The following LPP variants were observed in gnomAD, a reference collection of about 807,000 sequenced individuals.
LPP encodes the protein LIM domain containing preferred translocation partner in lipoma.
In LPP, 38 loss-of-function variants were observed where a neutral mutation model predicts 60.4. That is an observed-to-expected ratio of 0.63 (90% CI 0.49 to 0.83). The LOEUF is 0.83. Ranked by LOEUF, LPP falls within the 40% of genes least tolerant of loss-of-function variation. The pLI is 0.00. For synonymous variants in LPP, 328 were observed against 290.8 expected, an observed-to-expected ratio of 1.13 and a Z score of -1.30; for missense variants, 902 against 783.6, an observed-to-expected ratio of 1.15 and a Z score of -1.80.
At chr3:188,493,914 AT>A (rs1809158768) in intron 5 of LPP, among the ~76,000 whole-genome samples, 1 of 151,874 alleles carries the variant, frequency 6.6e-6, no homozygotes, top group Admixed American at 6.6e-5. Flanking sequence ...CTTCCCTTTT[AT>A]ATTCTTAATT....
chr3:188,275,873 A>G (rs1427551820), intron 2 of LPP, among the ~76,000 whole-genome samples: 1 of 151,964 alleles, frequency 6.6e-6, no homozygotes, highest in Non-Finnish European at 1.5e-5. Flanking sequence ...ATGGGGTTTC[A>G]CCATATTGTC....
At chr3:188,260,004 A>G (rs1733008403) in intron 2 of LPP, among the ~76,000 whole-genome samples, 1 of 152,008 alleles carries the variant, frequency 6.6e-6, no homozygotes, top group Non-Finnish European at 1.5e-5. Context: ...GAAAATAAAA[A>G]TCAACACTAT....
intron 1 of LPP, chr3:188,180,861 A>C (rs568328724): frequency 6.8e-6 from 1 of 147,002 alleles, no homozygotes; most frequent in East Asian, 2.3e-4. Context: ...AATATACCAT[A>C]ATTCTAATTT....
At chr3:188,519,711 GC>G (rs1818352830) in intron 5 of LPP, among the ~76,000 whole-genome samples, 2 of 152,182 alleles carry the variant, frequency 1.3e-5, no homozygotes, top group South Asian at 4.1e-4. Flanking sequence ...AATTGCAACA[GC>G]AAATCTAATT....
At chr3:188,466,189 C>T (rs529494834) in intron 4 of LPP, among the ~76,000 whole-genome samples, 5 of 152,072 alleles carry the variant, frequency 3.3e-5, no homozygotes, top group East Asian at 1.9e-4. Flanking sequence ...ATTTTCAACA[C>T]GGCAGTGAGA....
At chr3:188,713,818 T>C (rs1217158895) in intron 8 of LPP, among the ~76,000 whole-genome samples, 2 of 152,202 alleles carry the variant, frequency 1.3e-5, no homozygotes, top group Non-Finnish European at 2.9e-5. Flanking sequence ...CTTGGGTGGG[T>C]AGAGAGATTG....
chr3:188,466,929 G>A (rs1213315253), intron 4 of LPP, among the ~76,000 whole-genome samples: 8 of 52,126 alleles, frequency 1.5e-4, no homozygotes, highest in South Asian at 1.3e-3. Flanking sequence ...CCGCCCCCCC[G>A]CCTTTATGGC....
At chr3:188,872,101 C>T (rs913565498) in intron 10 of LPP, among the ~76,000 whole-genome samples, 7 of 152,112 alleles carry the variant, frequency 4.6e-5, no homozygotes, top group African/African-American at 9.7e-5. Flanking sequence ...TATATTTAAA[C>T]GCACTAACCT....
At chr3:188,607,370 G>GATATATATATATAT (rs10527365) in intron 6 of LPP, among the ~76,000 whole-genome samples, 3 of 102,730 alleles carry the variant, frequency 2.9e-5, no homozygotes, top group Non-Finnish European at 6.4e-5. Context: ...GAAAATAGAA[G>GATATATATATATAT]ATATATATAT....
At position 188,441,629 on chromosome 3, in the gene LPP, T is replaced by C. The variant is rs1366964491; in HGVS notation, c.193+35316T>C. Reference sequence around the variant, plus strand: ...CTTTTCTTTTTTTTTTTTTTTTTTTTTTTTTTTTTGAGATGGAGTCTCGCT... The same window carrying C: ...CTTTTCTTTTTTTTTTTTTTTTTTTCTTTTTTTTTGAGATGGAGTCTCGCT... On this transcript the variant is annotated intron_variant, in intron 4 of 11. Transcript: ENST00000617246. Among the ~76,000 whole-genome samples, 112 of 116,090 alleles carry C rather than the reference T, an allele frequency of 9.6e-4. 2 individuals carry two copies. Among genetic ancestry groups the C allele is most frequent in the Admixed American group, 2.7e-3 (32 of 11,974 alleles). The allele number at this position is 116,090 out of a possible 152,430, so 76.2% of individuals were successfully genotyped here.
intron 11 of LPP, 79 bp downstream of exon 11, chr3:188,872,842 C>G (rs1458364487): frequency 2.5e-6 from 4 of 1,576,140 alleles, no homozygotes; most frequent in Non-Finnish European, 3.5e-6. Context: ...ATAGATGTAG[C>G]AATTACTAAA....
At chr3:188,524,827 A>G in intron 6 of LPP, 40 bp downstream of exon 6, 1 of 1,592,382 alleles carries the variant, frequency 6.3e-7, no homozygotes, top group East Asian at 2.3e-5. Flanking sequence ...AGCCATTCCC[A>G]GATATTCTAC....
At chr3:188,240,079 A>T (rs542756661) in intron 2 of LPP, 2 of 196,660 alleles carry the variant, frequency 1.0e-5, no homozygotes, top group African/African-American at 4.6e-5. Context: ...GCTGTCCTGT[A>T]GTTCATGGAG....
At chr3:188,592,873 G>A (rs940772778) in intron 6 of LPP, among the ~76,000 whole-genome samples, 5 of 152,032 alleles carry the variant, frequency 3.3e-5, no homozygotes, top group Admixed American at 2.6e-4. Flanking sequence ...TGTCTTACAC[G>A]AGGGCTTGCC....
At chr3:188,525,986 CCT>C (rs1476590707) in intron 6 of LPP, among the ~76,000 whole-genome samples, 7 of 152,314 alleles carry the variant, frequency 4.6e-5, no homozygotes, top group Non-Finnish European at 7.3e-5. Flanking sequence ...TCATTCCCTG[CCT>C]CTCTAAAGTC....
chr3:188,442,094 G>A (rs1394367114), intron 4 of LPP, among the ~76,000 whole-genome samples: 1 of 152,144 alleles, frequency 6.6e-6, no homozygotes, highest in African/African-American at 2.4e-5. Context: ...ATGAAAAAAT[G>A]AATAAGTGAA....
chr3:188,422,914 TGTGTGTG>T (rs1398133262), intron 4 of LPP, among the ~76,000 whole-genome samples: 1 of 6,478 alleles, frequency 1.5e-4, no homozygotes, highest in African/African-American at 6.6e-4. Context: ...GTGTCTTCTT[TGTGTGTG>T]TGTGTGTGTG....
At chr3:188,495,609 G>A (rs1357018036) in intron 5 of LPP, among the ~76,000 whole-genome samples, 3 of 152,262 alleles carry the variant, frequency 2.0e-5, no homozygotes, top group South Asian at 2.1e-4. Context: ...GAACCTCCGA[G>A]GTAGTTTTCT....
At position 188,837,385 on chromosome 3, in the gene LPP, A is replaced by C. The variant is rs34308472; in HGVS notation, c.1411-28815A>C. Among the ~76,000 whole-genome samples the C allele has an allele frequency of 4.5e-3, 213 of 47,116 alleles. 1 individual carries two copies. Among genetic ancestry groups the C allele is most frequent in the Middle Eastern group, 0.017 (2 of 118 alleles). The allele number at this position is 47,116 out of a possible 152,430, so 30.9% of individuals were successfully genotyped here. A position where few individuals can be genotyped will look rare whatever the true frequency, so the allele number is the denominator to read the frequency against. ...CAGAATGAGACTCCATCTCAAACATAATAATAATAATAATAATAATAATAA... is the reference window on the plus strand; with the variant it reads ...CAGAATGAGACTCCATCTCAAACATCATAATAATAATAATAATAATAATAA... On this transcript the variant is annotated intron_variant, in intron 9 of 11. Transcript: ENST00000617246.
Sources: gnomAD v4.1 joint callset for allele counts (sites outside exome capture counted in the v4.1 genomes callset) on GRCh38, gnomAD v4.1.1 for gene constraint, MANE v1.5 for transcripts, NCBI Gene and HGNC (gene_info 2026-07-23, HGNC 2026-07-21) for gene names.